The following EYA1 variants were observed in gnomAD, a reference collection of about 807,000 sequenced individuals.
The protein encoded by EYA1 is EYA transcriptional coactivator and phosphatase 1.
A neutral mutation model predicts 82.0 loss-of-function variants in EYA1; 16 were observed. The ratio of observed to expected loss-of-function variants is 0.20; its 90% confidence interval spans 0.13 to 0.30. The LOEUF is 0.30. Ranked by LOEUF, EYA1 falls within the 10% of genes least tolerant of loss-of-function variation. The probability of loss-of-function intolerance (pLI) is 1.00; values close to 1 mark genes in which losing one functional copy is unlikely to be tolerated. For missense variants in EYA1, 633 were observed against 730.7 expected, an observed-to-expected ratio of 0.87 and a Z score of 1.54; for synonymous variants, 261 against 264.4, an observed-to-expected ratio of 0.99 and a Z score of 0.12.
At chr8:71,518,933 C>T (rs1813187132) in intron 2 of EYA1, among the ~76,000 whole-genome samples, 2 of 152,144 alleles carry the variant, frequency 1.3e-5, no homozygotes, top group African/African-American at 4.8e-5. Context: ...TTATTGAACC[C>T]TTTTTTCCTA....
chr8:71,374,161 G>A (rs74545200), intron 2 of EYA1, among the ~76,000 whole-genome samples: 31 of 152,086 alleles, frequency 2.0e-4, no homozygotes, highest in Admixed American at 3.3e-4. Context: ...TAAAGGCTCC[G>A]CACAGCAGAT....
intron 7 of EYA1, among the ~76,000 whole-genome samples, chr8:71,306,782 G>A (rs1214542610): frequency 2.6e-5 from 4 of 152,114 alleles, no homozygotes; most frequent in Non-Finnish European, 5.9e-5. Flanking sequence ...GGAAACCTGA[G>A]CTCCCTAATA....
At chr8:71,387,769 C>T (rs1313026127) in intron 2 of EYA1, among the ~76,000 whole-genome samples, 2 of 152,078 alleles carry the variant, frequency 1.3e-5, no homozygotes, top group Admixed American at 6.6e-5. Context: ...TGGAGATTTT[C>T]AGCTATCCAA....
intron 2 of EYA1, among the ~76,000 whole-genome samples, chr8:71,473,760 T>C (rs1469029017): frequency 3.3e-5 from 5 of 152,180 alleles, no homozygotes; most frequent in African/African-American, 1.2e-4. Context: ...CGTATGTTTA[T>C]TGCAGCACTG....
At chr8:71,486,524 A>G (rs1007988326) in intron 2 of EYA1, among the ~76,000 whole-genome samples, 14 of 152,288 alleles carry the variant, frequency 9.2e-5, no homozygotes, top group Admixed American at 9.1e-4. Context: ...GCAGTGGCAT[A>G]TCTATACCTG....
At position 71,211,185 on chromosome 8, in the gene EYA1, C is replaced by T; in HGVS notation, c.1669G>A (p.Gly557Ser). 1.9e-6 allele frequency: 3 copies of T among 1,613,098 alleles called. No homozygotes were observed. The highest frequency in any genetic ancestry group is 2.5e-6 in the Non-Finnish European group (3 of 1,179,166). The change falls in exon 17 of 18, where the codon GGT (glycine) becomes AGT (serine). Residue 557 changes from glycine (G) to serine (S), a missense_variant. Gly to Ser is a moderately conservative substitution (Grantham distance 56). Transcript: ENST00000340726. ...RKVVYVVIGD[G>S]VEEEQGAKKH... ...TTTGCTCCTTGTTCTTCTTCTACAC[C>T]ATCTCCTATAACAACATACACCACT...
At chr8:71,430,128 A>T (rs562330345) in intron 2 of EYA1, among the ~76,000 whole-genome samples, 1 of 152,330 alleles carries the variant, frequency 6.6e-6, no homozygotes, top group South Asian at 2.1e-4. Flanking sequence ...CTATAGTAAA[A>T]ACTTTAATTC....
chr8:71,302,128 G>A (rs1037110126), intron 7 of EYA1, among the ~76,000 whole-genome samples: 11 of 151,944 alleles, frequency 7.2e-5, no homozygotes, highest in East Asian at 1.9e-4. Context: ...GCATTTTAGA[G>A]GAAAAATTAC....
intron 17 of EYA1, among the ~76,000 whole-genome samples, chr8:71,210,723 T>C (rs1808403414): frequency 6.6e-6 from 1 of 152,242 alleles, no homozygotes. Context: ...CAGATAGTTT[T>C]ATCTTCCAAG....
Position 71,276,276 on chromosome 8 carries a change from C to T in EYA1, c.827-4379G>A, listed in dbSNP as rs200745658. 2.0e-4 allele frequency among the ~76,000 whole-genome samples: 30 copies of T among 152,304 alleles called. 1 individual carries two copies. The East Asian group carries it at 5.0e-3, about 25-fold the overall frequency. ...ATGGACTATATTTTGAGCAGCAGTG[C>T]ACTGGAGTTTCTTCCATGGCCCTCT... On this transcript the variant is annotated intron_variant, in intron 9 of 17. Transcript: ENST00000340726.
chr8:71,501,452 G>T (rs1283798289), intron 2 of EYA1, among the ~76,000 whole-genome samples: 1 of 152,168 alleles, frequency 6.6e-6, no homozygotes, highest in Non-Finnish European at 1.5e-5. Context: ...TTAGAAATGT[G>T]ATTGGGCTGC....
chr8:71,334,205 G>A lies in EYA1; in HGVS notation c.125-31C>T, dbSNP rs113812295. The A allele has an allele frequency of 3.3e-3, 4,725 of 1,425,622 alleles. 125 individuals are homozygous for A. The African/African-American group carries it at 0.059, about 18-fold the overall frequency. 88.3% of individuals were successfully genotyped at this position (1,425,622 alleles called of 1,614,324 possible). A position where few individuals can be genotyped will look rare whatever the true frequency, so the allele number is the denominator to read the frequency against. ...AAAATAAACAACATACATCGATATT[G>A]AATTAATAGTTATTTGTAAAGACAT... On this transcript the variant is annotated intron_variant, in intron 3 of 17. Transcript: ENST00000340726.
chr8:71,497,859 T>A (rs970965624), intron 2 of EYA1, among the ~76,000 whole-genome samples: 3 of 152,154 alleles, frequency 2.0e-5, no homozygotes, highest in Non-Finnish European at 2.9e-5. Flanking sequence ...GTGGTATATA[T>A]AATGGAATAC....
At chr8:71,483,828 G>A (rs1361071368) in intron 2 of EYA1, among the ~76,000 whole-genome samples, 2 of 152,080 alleles carry the variant, frequency 1.3e-5, no homozygotes, top group Non-Finnish European at 2.9e-5. Flanking sequence ...TTTTCCTTCC[G>A]GCTGAGGAAA....
chr8:71,364,193 C>T (rs1353203194), upstream of EYA1, among the ~76,000 whole-genome samples: 1 of 151,786 alleles, frequency 6.6e-6, no homozygotes, highest in Non-Finnish European at 1.5e-5. Flanking sequence ...AATTATGTAA[C>T]AAAGAGCTTA....
intron 9 of EYA1, among the ~76,000 whole-genome samples, chr8:71,295,618 G>T (rs1426305649): frequency 1.3e-5 from 2 of 152,164 alleles, no homozygotes; most frequent in Admixed American, 6.5e-5. Context: ...TTGCTGATGA[G>T]AATACAAAAT....
intron 2 of EYA1, 98 bp from the exon 3 acceptor site, chr8:71,355,007 A>C: frequency 8.3e-7 from 1 of 1,206,500 alleles, no homozygotes; most frequent in South Asian, 1.2e-5. Flanking sequence ...ACACTTGCAC[A>C]AAAGTCCCAT....
chr8:71,408,521 G>C (rs897565753), intron 2 of EYA1, among the ~76,000 whole-genome samples: 26 of 111,542 alleles, frequency 2.3e-4, no homozygotes, highest in Admixed American at 1.1e-3. Flanking sequence ...TAAAAGGATG[G>C]AGGAAGATCT....
intron 2 of EYA1, among the ~76,000 whole-genome samples, chr8:71,397,692 C>T (rs1388259129): frequency 6.6e-6 from 1 of 152,138 alleles, no homozygotes; most frequent in Non-Finnish European, 1.5e-5. Context: ...TTGTGAGTAA[C>T]CCAACCTTTC....
Sources: allele counts gnomAD v4.1 joint callset (sites outside exome capture counted in the v4.1 genomes callset), GRCh38; gene constraint gnomAD v4.1.1; transcripts MANE v1.5; gene names NCBI Gene and HGNC (gene_info 2026-07-23, HGNC 2026-07-21).